Variants in KAT6B observed in about 807,000 individuals in gnomAD.
The protein encoded by KAT6B is lysine acetyltransferase 6B.
KAT6B carries 10 observed loss-of-function variants against 187.5 expected under a neutral mutation model. The ratio of observed to expected loss-of-function variants is 0.05; its 90% confidence interval spans 0.03 to 0.09. KAT6B has a LOEUF of 0.09. KAT6B is among the 10% of genes least tolerant of loss of function. KAT6B has a pLI of 1.00. For missense variants in KAT6B, 1,952 were observed against 2,558.9 expected (o/e 0.76, Z 5.12); for synonymous variants, 861 against 926.8 (o/e 0.93, Z 1.29).
chr10:74,981,715 T>A, intron 10 of KAT6B, 72 bp from the exon 11 acceptor site: 1 of 1,131,914 alleles, frequency 8.8e-7, no homozygotes. Context: ...TAGAGAAAAT[T>A]GAACAATATT....
intron 1 of KAT6B, among the ~76,000 whole-genome samples, chr10:74,835,369 C>A (rs1207783416): frequency 6.6e-6 from 1 of 151,856 alleles, no homozygotes; most frequent in Non-Finnish European, 1.5e-5. Flanking sequence ...AGACTTCTTC[C>A]TTCTGTAATC....
Position 74,976,271 on chromosome 10 carries a change from C to A in KAT6B, c.1934C>A (p.Thr645Asn). The A allele has an allele frequency of 4.3e-6, 7 of 1,613,948 alleles. No individual in the cohort carries two copies. Among genetic ancestry groups the A allele is most frequent in the Non-Finnish European group, 5.9e-6 (7 of 1,179,994 alleles). Reference sequence around the variant, plus strand: ...TATAAAGTGACCCCTCAGATGGGGACCCCCTCACCAGGGAAGGGGAGCTTG... The same window carrying A: ...TATAAAGTGACCCCTCAGATGGGGAACCCCTCACCAGGGAAGGGGAGCTTG... ...LKYKVTPQMGTPSPGKGSLTD... is the reference protein window; with the variant it reads ...LKYKVTPQMGNPSPGKGSLTD... Residue 645 changes from threonine to asparagine, a missense_variant, in exon 8 of 18, where the codon ACC (threonine) becomes AAC (asparagine). By Grantham distance (65) the Thr-to-Asn change is moderately conservative (BLOSUM62 0). This residue lies in a region of KAT6B where 417 missense variants were observed against 508.9 expected (regional missense o/e 0.82). Coordinates refer to ENST00000287239, the MANE Select transcript of KAT6B (RefSeq NM_012330.4).
intron 3 of KAT6B, among the ~76,000 whole-genome samples, chr10:74,925,652 A>G (rs1178708763): frequency 6.6e-6 from 1 of 152,134 alleles, no homozygotes; most frequent in Admixed American, 6.5e-5. Context: ...ATACAAGTTG[A>G]TGTATAGGAG....
chr10:74,853,421 G>A (rs759315570), intron 3 of KAT6B, among the ~76,000 whole-genome samples: 11 of 151,156 alleles, frequency 7.3e-5, no homozygotes, highest in Non-Finnish European at 1.2e-4. Flanking sequence ...AGCCCCCCAA[G>A]TAGCTTGGAC....
intron 12 of KAT6B, 71 bp downstream of exon 12, chr10:74,985,312 C>T (rs1204500775): frequency 2.8e-6 from 4 of 1,415,548 alleles, no homozygotes; most frequent in Non-Finnish European, 4.0e-6. Context: ...ATTCTTTGAA[C>T]AGGGCTTTTT....
chr10:74,884,444 AGC>A (rs1421528491), intron 3 of KAT6B, among the ~76,000 whole-genome samples: 69 of 152,360 alleles, frequency 4.5e-4, no homozygotes, highest in African/African-American at 1.6e-3. Flanking sequence ...TTATTATAAA[AGC>A]CCTACTTTAT....
intron 1 of KAT6B, among the ~76,000 whole-genome samples, chr10:74,834,475 T>C (rs565494495): frequency 6.6e-5 from 10 of 152,110 alleles, no homozygotes; most frequent in Non-Finnish European, 1.0e-4. Flanking sequence ...GGATTACAGG[T>C]GTGAGCCACT....
chr10:74,874,527 C>T (rs1001233664), intron 3 of KAT6B, among the ~76,000 whole-genome samples: 7 of 152,042 alleles, frequency 4.6e-5, no homozygotes, highest in Non-Finnish European at 1.0e-4. Context: ...TACAGCCATG[C>T]GCCACCACAC....
At position 74,894,426 on chromosome 10, in the gene KAT6B, C is replaced by T. The variant is rs1233387435; in HGVS notation, c.621+50948C>T. Reference sequence around the variant, plus strand: ...GTTTGTTGATTATGGTTTAAAAAAACCACATAACATTAAATTTACCATCTT... The same window carrying T: ...GTTTGTTGATTATGGTTTAAAAAAATCACATAACATTAAATTTACCATCTT... On this transcript the variant is annotated intron_variant, in intron 3 of 17. Coordinates refer to ENST00000287239, the MANE Select transcript of KAT6B (RefSeq NM_012330.4). Among the ~76,000 whole-genome samples the T allele has an allele frequency of 2.0e-5, 3 of 152,162 alleles. No individual in the cohort carries two copies. In the East Asian group the frequency reaches 5.8e-4, roughly 29 times the overall value.
At position 74,865,880 on chromosome 10, in the gene KAT6B, G is replaced by T. The variant is rs1289656957; in HGVS notation, c.621+22402G>T. Among the ~76,000 whole-genome samples, 4 of 152,120 alleles carry T rather than the reference G, an allele frequency of 2.6e-5. No homozygotes were observed. In the East Asian group the frequency reaches 7.7e-4, roughly 29 times the overall value. On this transcript the variant is annotated intron_variant, in intron 3 of 17. Transcript: ENST00000287239. The stretch of plus-strand genomic sequence containing the variant: ...CACTAAAGAGGCATAATAACCAAAT[G>T]CCGTGCATGGAAAACAGTACAGTTG...
intron 3 of KAT6B, among the ~76,000 whole-genome samples, chr10:74,912,772 G>A (rs550645588): frequency 2.0e-5 from 3 of 152,100 alleles, no homozygotes; most frequent in East Asian, 1.9e-4. Flanking sequence ...TTCTTATTTC[G>A]TGGCATTGCC....
intron 3 of KAT6B, among the ~76,000 whole-genome samples, chr10:74,896,771 T>C (rs906605954): frequency 6.6e-6 from 1 of 152,230 alleles, no homozygotes; most frequent in Non-Finnish European, 1.5e-5. Flanking sequence ...CTTTGTCTTC[T>C]GTTATAAAAG....
intron 3 of KAT6B, among the ~76,000 whole-genome samples, chr10:74,900,694 G>A (rs925950186): frequency 1.4e-4 from 21 of 152,232 alleles, no homozygotes; most frequent in African/African-American, 5.1e-4. Flanking sequence ...CCAGATGAAA[G>A]GGGGTGATAT....
intron 3 of KAT6B, among the ~76,000 whole-genome samples, chr10:74,949,200 C>A (rs1240207294): frequency 6.6e-6 from 1 of 152,178 alleles, no homozygotes; most frequent in Non-Finnish European, 1.5e-5. Context: ...AACAGACTTC[C>A]TGTAACCATG....
chr10:74,960,162 T>C (rs958564707), intron 4 of KAT6B, 84 bp downstream of exon 4: 4 of 950,668 alleles, frequency 4.2e-6, no homozygotes, highest in Non-Finnish European at 6.9e-6. Context: ...TAAAACTGTA[T>C]TGTTATTTAA....
intron 5 of KAT6B, 56 bp downstream of exon 5, chr10:74,969,831 G>A (rs1329264880): frequency 3.0e-6 from 4 of 1,314,806 alleles, no homozygotes; most frequent in Non-Finnish European, 4.4e-6. Flanking sequence ...CCAGTGTTAA[G>A]GTGTTTTCAT....
intron 3 of KAT6B, among the ~76,000 whole-genome samples, chr10:74,895,061 G>C (rs1845894306): frequency 1.6e-5 from 2 of 126,812 alleles, no homozygotes. Context: ...ATCAACACTT[G>C]GTTTTTTTTT....
chr10:74,883,165 C>G (rs953436775), intron 3 of KAT6B, among the ~76,000 whole-genome samples: 4 of 152,146 alleles, frequency 2.6e-5, no homozygotes, highest in Admixed American at 6.6e-5. Context: ...TTCCTTTGTT[C>G]TTCCCTTACC....
intron 2 of KAT6B, among the ~76,000 whole-genome samples, chr10:74,842,176 A>G (rs1054991533): frequency 6.6e-6 from 1 of 152,106 alleles, no homozygotes; most frequent in Non-Finnish European, 1.5e-5. Flanking sequence ...AAGCTGGATT[A>G]TTTACTCTTT....
Sources: gnomAD v4.1 joint callset for allele counts (sites outside exome capture counted in the v4.1 genomes callset) on GRCh38, gnomAD v4.1.1 for gene constraint, gnomAD v4.1.1 regional missense constraint, MANE v1.5 for transcripts, NCBI Gene and HGNC (gene_info 2026-07-23, HGNC 2026-07-21) for gene names.